Variants in PACRG observed in about 807,000 individuals in gnomAD.
PACRG encodes the protein parkin coregulated gene protein.
A neutral mutation model predicts 29.7 loss-of-function variants in PACRG; 29 were observed. The ratio of observed to expected loss-of-function variants is 0.98; its 90% CI spans 0.73 to 1.33. PACRG has a LOEUF of 1.33. Ranked by LOEUF, PACRG falls within the 40% of genes most tolerant of loss-of-function variation. The pLI is 0.00. For synonymous variants in PACRG, 116 were observed against 118.7 expected, an observed-to-expected ratio of 0.98 and a Z score of 0.15; for missense variants, 279 against 316.2, an observed-to-expected ratio of 0.88 and a Z score of 0.89.
intron 2 of PACRG, among the ~76,000 whole-genome samples, chr6:162,997,892 T>C (rs1804223752): frequency 6.6e-6 from 1 of 152,230 alleles, no homozygotes; most frequent in East Asian, 1.9e-4. Flanking sequence ...GGAGGAGTTC[T>C]TTTTGTAGTC....
chr6:162,795,437 C>T (rs1055297726), intron 1 of PACRG, among the ~76,000 whole-genome samples: 110 of 152,166 alleles, frequency 7.2e-4, no homozygotes, highest in African/African-American at 2.3e-3. Flanking sequence ...CCATGTTTCC[C>T]CACTGATTTG....
intron 1 of PACRG, among the ~76,000 whole-genome samples, chr6:162,765,502 C>T (rs1782713852): frequency 6.6e-6 from 1 of 152,112 alleles, no homozygotes. Context: ...GACCGGTGAC[C>T]TGTGTCCATT....
chr6:162,777,021 C>A lies in PACRG; in HGVS notation c.157-37126C>A, dbSNP rs898823617. 1.3e-5 allele frequency among the ~76,000 whole-genome samples: 2 copies of A among 152,160 alleles called. No individual in the cohort carries two copies. Among genetic ancestry groups the A allele is most frequent in the East Asian group, 3.9e-4 (2 of 5,194 alleles). Reference sequence around the variant, plus strand: ...CTGGGTGCACCTGAATCTCCGAAATCACCACTAAAGAACTTATTCATGTAA... The same window carrying A: ...CTGGGTGCACCTGAATCTCCGAAATAACCACTAAAGAACTTATTCATGTAA... On this transcript the variant is annotated intron_variant, in intron 1 of 4. Transcript: ENST00000366888. This position sits in a 1 kb window ranked among gnomAD's most constrained non-coding sequence, Gnocchi z 4.0.
intron 2 of PACRG, among the ~76,000 whole-genome samples, chr6:162,885,472 T>A (rs1053275574): frequency 7.9e-5 from 12 of 151,748 alleles, no homozygotes; most frequent in African/African-American, 2.7e-4. Context: ...GGTTTTACCA[T>A]GTTGGCCATG....
intron 2 of PACRG, among the ~76,000 whole-genome samples, chr6:163,009,597 C>G (rs1423657965): frequency 6.6e-6 from 1 of 152,140 alleles, no homozygotes; most frequent in African/African-American, 2.4e-5. Context: ...GATTTTTAAT[C>G]TAAACATGAT....
chr6:163,083,884 A>G (rs763851238), intron 3 of PACRG, among the ~76,000 whole-genome samples: 4 of 152,328 alleles, frequency 2.6e-5, no homozygotes, highest in Middle Eastern at 3.4e-3. Flanking sequence ...GACATCTAAT[A>G]GTAGAAAAAG....
At chr6:162,970,168 G>A (rs1323935620) in intron 2 of PACRG, among the ~76,000 whole-genome samples, 1 of 152,210 alleles carries the variant, frequency 6.6e-6, no homozygotes, top group Non-Finnish European at 1.5e-5. Context: ...TTCACCTGAA[G>A]CAAAAGAAAT....
At chr6:163,227,992 G>A (rs1158287961) in intron 4 of PACRG, among the ~76,000 whole-genome samples, 1 of 152,188 alleles carries the variant, frequency 6.6e-6, no homozygotes, top group African/African-American at 2.4e-5. Flanking sequence ...ATACAGACAG[G>A]CAGTGTTGGT....
At chr6:163,004,499 G>A (rs769511121) in intron 2 of PACRG, among the ~76,000 whole-genome samples, 18 of 151,368 alleles carry the variant, frequency 1.2e-4, no homozygotes, top group Non-Finnish European at 2.1e-4. Flanking sequence ...GGGGAAGAGC[G>A]CCTTATAAAA....
chr6:163,110,137 G>A (rs1380248159), intron 4 of PACRG, among the ~76,000 whole-genome samples: 2 of 152,216 alleles, frequency 1.3e-5, no homozygotes, highest in Non-Finnish European at 2.9e-5. Flanking sequence ...CTGAGAAAGG[G>A]CAGAGGAAAA....
At chr6:162,872,333 C>T (rs139724272) in intron 2 of PACRG, among the ~76,000 whole-genome samples, 1 of 152,312 alleles carries the variant, frequency 6.6e-6, no homozygotes, top group East Asian at 1.9e-4. Context: ...AAAATATCTT[C>T]ATTCTGTAAA....
chr6:163,149,653 C>T (rs1777991901), intron 4 of PACRG, among the ~76,000 whole-genome samples: 1 of 152,132 alleles, frequency 6.6e-6, no homozygotes, highest in Admixed American at 6.5e-5. Flanking sequence ...CCCGCACAGC[C>T]TCCGCCCTCT....
intron 4 of PACRG, among the ~76,000 whole-genome samples, chr6:163,091,153 G>C (rs1814074915): frequency 6.6e-6 from 1 of 152,138 alleles, no homozygotes; most frequent in Non-Finnish European, 1.5e-5. Flanking sequence ...CTGTATCCCT[G>C]TATAAAAGTA....
chr6:162,998,670 A>T (rs1804306590), intron 2 of PACRG, among the ~76,000 whole-genome samples: 1 of 152,222 alleles, frequency 6.6e-6, no homozygotes, highest in Non-Finnish European at 1.5e-5. Context: ...ACAATTTCAT[A>T]GTCAAATCTG....
intron 2 of PACRG, among the ~76,000 whole-genome samples, chr6:162,934,032 G>A (rs1798059311): frequency 6.6e-6 from 1 of 152,158 alleles, no homozygotes; most frequent in African/African-American, 2.4e-5. Context: ...GGGAGGCTGA[G>A]GTGGGCAGAT....
At chr6:163,050,744 G>A (rs1166433599) in intron 2 of PACRG, among the ~76,000 whole-genome samples, 7 of 152,134 alleles carry the variant, frequency 4.6e-5, no homozygotes, top group Admixed American at 6.5e-5. Context: ...TTTTATTAAT[G>A]AGACATGTAA....
At chr6:162,938,774 AT>A (rs1798412933) in intron 2 of PACRG, among the ~76,000 whole-genome samples, 1 of 151,906 alleles carries the variant, frequency 6.6e-6, no homozygotes, top group South Asian at 2.1e-4. Context: ...ATTTTTTCAT[AT>A]GTTTGTTTGC....
intron 3 of PACRG, among the ~76,000 whole-genome samples, chr6:163,080,886 A>G (rs1185159774): frequency 6.6e-6 from 1 of 152,172 alleles, no homozygotes; most frequent in Non-Finnish European, 1.5e-5. Flanking sequence ...TTTGTATGAC[A>G]TTTACTTCAA....
At chr6:163,018,505 T>C (rs1806308147) in intron 2 of PACRG, among the ~76,000 whole-genome samples, 1 of 152,240 alleles carries the variant, frequency 6.6e-6, no homozygotes, top group South Asian at 2.1e-4. Context: ...AAAGTTATTA[T>C]GGCTGAGTAT....
Sources: allele counts gnomAD v4.1 joint callset (sites outside exome capture counted in the v4.1 genomes callset), GRCh38; gene constraint gnomAD v4.1.1; non-coding constraint Gnocchi (gnomAD v3.1); transcripts MANE v1.5; gene names NCBI Gene and HGNC (gene_info 2026-07-23, HGNC 2026-07-21).